The following LDLRAD3 variants were observed in gnomAD, a reference collection of about 807,000 sequenced individuals.
LDLRAD3 encodes the protein low density lipoprotein receptor class A domain containing 3, also known as low-density lipoprotein receptor class A domain-containing protein 3.
Under a neutral mutation model 29.4 loss-of-function variants are expected in LDLRAD3, and 20 were observed. The ratio of observed to expected loss-of-function variants is 0.68; its 90% CI spans 0.48 to 0.99. LDLRAD3 has a LOEUF of 0.99. Ranked by LOEUF, LDLRAD3 falls within the 50% of genes least tolerant of loss-of-function variation. The pLI, the probability that LDLRAD3 is intolerant of heterozygous loss-of-function variation, is 0.00. For synonymous variants in LDLRAD3, 157 were observed against 192.7 expected (o/e 0.81, Z 1.53); for missense variants, 420 against 454.3 (o/e 0.92, Z 0.69).
At chr11:36,139,935 C>T (rs1426319274) in intron 4 of LDLRAD3, among the ~76,000 whole-genome samples, 1 of 151,980 alleles carries the variant, frequency 6.6e-6, no homozygotes, top group Non-Finnish European at 1.5e-5. Flanking sequence ...ATTGGTTCTT[C>T]TGTGGCAGCC....
At chr11:36,047,550 G>A (rs562965028) in intron 2 of LDLRAD3, among the ~76,000 whole-genome samples, 4 of 152,218 alleles carry the variant, frequency 2.6e-5, no homozygotes, top group South Asian at 2.1e-4. Context: ...CTGATTGTTA[G>A]CATATGATAT....
At chr11:36,226,768 A>T (rs1855504770) in intron 4 of LDLRAD3, among the ~76,000 whole-genome samples, 1 of 152,204 alleles carries the variant, frequency 6.6e-6, no homozygotes, top group African/African-American at 2.4e-5. Flanking sequence ...AATTTTGTAT[A>T]TACAGAATCT....
rs546738241 is a variant in LDLRAD3, at chr11:36,001,636, T to C, written c.47-34467T>C. Among the ~76,000 whole-genome samples, 3 of 152,322 alleles carry C rather than the reference T, an allele frequency of 2.0e-5. No homozygotes were observed. The South Asian group carries it at 6.2e-4, about 32-fold the overall frequency. The stretch of plus-strand genomic sequence containing the variant: ...AATCGTAAAAAATAAAAAAGGGCTT[T>C]TGTTGCTGTTTTTATTGTTCTTTGT... On this transcript the variant is annotated intron_variant, in intron 1 of 5. Coordinates refer to ENST00000315571, the MANE Select transcript of LDLRAD3 (RefSeq NM_174902.4).
intron 1 of LDLRAD3, among the ~76,000 whole-genome samples, chr11:35,995,717 C>G (rs142289388): frequency 1.6e-4 from 24 of 152,348 alleles, no homozygotes; most frequent in Non-Finnish European, 3.1e-4. Flanking sequence ...TATCAGTGAT[C>G]TTAGCTATCT....
At chr11:35,990,022 T>A (rs1454574376) in intron 1 of LDLRAD3, among the ~76,000 whole-genome samples, 1 of 152,200 alleles carries the variant, frequency 6.6e-6, no homozygotes, top group African/African-American at 2.4e-5. Flanking sequence ...GCTTGGGGTT[T>A]ACTTAGAGTT....
intron 2 of LDLRAD3, among the ~76,000 whole-genome samples, chr11:36,050,657 C>T (rs960588767): frequency 2.6e-5 from 4 of 152,198 alleles, no homozygotes; most frequent in African/African-American, 4.8e-5. Context: ...CTCTATTTTT[C>T]GTCACTACTG....
intron 1 of LDLRAD3, among the ~76,000 whole-genome samples, chr11:36,027,383 AC>A (rs1370125689): frequency 2.0e-5 from 3 of 152,134 alleles, no homozygotes; most frequent in Non-Finnish European, 4.4e-5. Flanking sequence ...AGATATTGAT[AC>A]TTCGTGGGTT....
intron 4 of LDLRAD3, among the ~76,000 whole-genome samples, chr11:36,154,249 G>T (rs539301715): frequency 2.6e-5 from 4 of 152,278 alleles, no homozygotes; most frequent in African/African-American, 9.6e-5. Flanking sequence ...ACATCTGGGG[G>T]ACTTAAATTT....
chr11:36,056,538 C>G (rs920643661), intron 2 of LDLRAD3, among the ~76,000 whole-genome samples: 2 of 152,186 alleles, frequency 1.3e-5, no homozygotes, highest in African/African-American at 2.4e-5. Flanking sequence ...GTGCTGCCCC[C>G]TGTGGGTAAG....
At chr11:36,103,569 G>A (rs1875052) in intron 4 of LDLRAD3, among the ~76,000 whole-genome samples, 134,847 of 152,152 alleles carry the variant, frequency 0.89, 60,573 homozygotes, top group East Asian at 1. Context: ...GTGTGTATGT[G>A]TCCTGGACTC....
At chr11:36,176,989 T>C (rs1399818336) in intron 4 of LDLRAD3, among the ~76,000 whole-genome samples, 1 of 152,196 alleles carries the variant, frequency 6.6e-6, no homozygotes, top group Non-Finnish European at 1.5e-5. Flanking sequence ...CCCAAACTTC[T>C]TGGGGGCTTT....
chr11:36,051,051 G>T (rs553668522), intron 2 of LDLRAD3, among the ~76,000 whole-genome samples: 1 of 152,314 alleles, frequency 6.6e-6, no homozygotes, highest in South Asian at 2.1e-4. Flanking sequence ...ATTACCATCA[G>T]ATTGGAGACT....
intron 1 of LDLRAD3, among the ~76,000 whole-genome samples, chr11:35,971,458 T>A (rs1334165487): frequency 2.0e-5 from 3 of 152,224 alleles, no homozygotes; most frequent in Non-Finnish European, 4.4e-5. Context: ...GTAGCCCAGT[T>A]TGACCTATGT....
rs115375632 is a variant in LDLRAD3 at position 36,114,494 on chromosome 11, T to G, written c.454+16033T>G. On this transcript the variant is annotated intron_variant, in intron 4 of 5. Coordinates refer to ENST00000315571, the MANE Select transcript of LDLRAD3 (RefSeq NM_174902.4). Reference sequence around the variant, plus strand: ...CCAAGCTTTTATCTTGATTTTGGAGTGTGATCAAGGTGACAGTTGTTCTCT... The same window carrying G: ...CCAAGCTTTTATCTTGATTTTGGAGGGTGATCAAGGTGACAGTTGTTCTCT... Among the ~76,000 whole-genome samples the G allele has an allele frequency of 2.0e-3, 311 of 152,282 alleles. 1 individual carries two copies. The highest frequency in any genetic ancestry group is 6.8e-3 in the African/African-American group (284 of 41,558).
chr11:35,951,962 A>G (rs1851140842), intron 1 of LDLRAD3, among the ~76,000 whole-genome samples: 1 of 152,236 alleles, frequency 6.6e-6, no homozygotes, highest in Non-Finnish European at 1.5e-5. Context: ...AACATCAAAT[A>G]AAAGTGTCTT....
At chr11:36,054,025 T>A (rs1852568604) in intron 2 of LDLRAD3, among the ~76,000 whole-genome samples, 1 of 152,228 alleles carries the variant, frequency 6.6e-6, no homozygotes, top group Non-Finnish European at 1.5e-5. Context: ...CATCCTCTGA[T>A]GCAAACCAAA....
chr11:35,982,995 A>G (rs1353724776), intron 1 of LDLRAD3, among the ~76,000 whole-genome samples: 1 of 151,956 alleles, frequency 6.6e-6, no homozygotes, highest in African/African-American at 2.4e-5. Context: ...CTGGGACTAC[A>G]GGTGTGCACC....
At chr11:36,193,001 A>G (rs1317717701) in intron 4 of LDLRAD3, among the ~76,000 whole-genome samples, 4 of 152,192 alleles carry the variant, frequency 2.6e-5, no homozygotes, top group African/African-American at 9.7e-5. Flanking sequence ...TAAAATGGGA[A>G]TAATAGTAGT....
chr11:35,987,431 C>A (rs1470352208), intron 1 of LDLRAD3, among the ~76,000 whole-genome samples: 1 of 152,182 alleles, frequency 6.6e-6, no homozygotes, highest in Non-Finnish European at 1.5e-5. Flanking sequence ...GTCTAGCAGT[C>A]TCCAGTGTCT....
Sources: allele counts gnomAD v4.1 joint callset (sites outside exome capture counted in the v4.1 genomes callset), GRCh38; gene constraint gnomAD v4.1.1; transcripts MANE v1.5; gene names NCBI Gene and HGNC (gene_info 2026-07-23, HGNC 2026-07-21).